SETBP1: variants seen among roughly 807,000 people sequenced by gnomAD.
SETBP1 encodes the protein SET binding protein 1, also known as SET-binding protein.
A neutral mutation model predicts 101.0 loss-of-function variants in SETBP1; 9 were observed. The ratio of observed to expected loss-of-function variants is 0.09; its 90% CI spans 0.05 to 0.16. The LOEUF (loss-of-function observed/expected upper bound fraction) is 0.16, where lower values mean the gene tolerates loss of function less well. SETBP1 is among the 10% of genes least tolerant of loss of function. The probability of loss-of-function intolerance (pLI) is 1.00; values close to 1 mark genes in which losing one functional copy is unlikely to be tolerated. For missense variants in SETBP1, 1,858 were observed against 2,033.8 expected, an observed-to-expected ratio of 0.91 and a Z score of 1.66; for synonymous variants, 818 against 788.5, an observed-to-expected ratio of 1.04 and a Z score of -0.63.
intron 1 of SETBP1, among the ~76,000 whole-genome samples, chr18:44,695,003 A>G (rs962319170): frequency 6.6e-6 from 1 of 152,192 alleles, no homozygotes; most frequent in African/African-American, 2.4e-5. Context: ...GAAAGATTGC[A>G]GGGATACAAA....
chr18:44,952,149 A>G lies in SETBP1; in HGVS notation c.2809A>G (p.Lys937Glu). ...FLAHESLKKP[K>E]HKRKRKSLQN... is the part of the protein sequence containing the mutation. Reference sequence around the variant, plus strand: ...GGCCCACGAAAGCCTCAAGAAGCCAAAGCACAAGAGGAAACGGAAAAGCCT... The same window carrying G: ...GGCCCACGAAAGCCTCAAGAAGCCAGAGCACAAGAGGAAACGGAAAAGCCT... The change falls in exon 4 of 6, where the codon AAG becomes GAG. Residue 937 changes from lysine to glutamate, a missense_variant. By Grantham distance (56) the Lys-to-Glu change is moderately conservative. Around this residue, in one of 12 missense-constraint regions of SETBP1, gnomAD observed 255 missense variants for 300.1 expected, o/e 0.85. Coordinates refer to ENST00000649279, the MANE Select transcript of SETBP1 (RefSeq NM_015559.3). 6.2e-7 allele frequency: 1 copy of G among 1,614,130 alleles called. No individual in the cohort carries two copies. The highest frequency in any genetic ancestry group is 1.1e-5 in the South Asian group (1 of 91,074).
intron 3 of SETBP1, among the ~76,000 whole-genome samples, chr18:44,930,916 A>G (rs1312791746): frequency 2.4e-4 from 36 of 148,822 alleles, no homozygotes; most frequent in Non-Finnish European, 5.1e-4. Context: ...TTTTTTGAAG[A>G]GTTTTTTGTG....
intron 1 of SETBP1, among the ~76,000 whole-genome samples, chr18:44,690,988 A>C (rs1389497890): frequency 6.6e-6 from 1 of 152,212 alleles, no homozygotes; most frequent in Non-Finnish European, 1.5e-5. Flanking sequence ...GGAGAATTAG[A>C]AAAGGCAGAT....
At chr18:44,766,278 G>T (rs2070762262) in intron 2 of SETBP1, among the ~76,000 whole-genome samples, 1 of 152,226 alleles carries the variant, frequency 6.6e-6, no homozygotes, top group Non-Finnish European at 1.5e-5. Context: ...AGTTCTGGTT[G>T]TGTGACCTTA....
chr18:44,742,129 C>T (rs544334230), intron 2 of SETBP1, among the ~76,000 whole-genome samples: 4 of 152,292 alleles, frequency 2.6e-5, no homozygotes, highest in South Asian at 2.1e-4. Flanking sequence ...ATGACAATGA[C>T]CATTTACATT....
At chr18:45,007,733 A>T (rs2072759122) in intron 4 of SETBP1, among the ~76,000 whole-genome samples, 1 of 152,190 alleles carries the variant, frequency 6.6e-6, no homozygotes. Context: ...TTCAGAATTG[A>T]GTCAGCTGGC....
intron 4 of SETBP1, among the ~76,000 whole-genome samples, chr18:45,023,862 A>G (rs1439503748): frequency 6.6e-6 from 1 of 152,190 alleles, no homozygotes; most frequent in Non-Finnish European, 1.5e-5. Context: ...CCTCTGAGGT[A>G]GGAGGTTTGT....
intron 2 of SETBP1, among the ~76,000 whole-genome samples, chr18:44,829,634 T>A (rs922378865): frequency 2.6e-4 from 39 of 152,234 alleles, no homozygotes; most frequent in Admixed American, 9.8e-4. Flanking sequence ...TCATAAAAAA[T>A]GTGGGAAAGG....
chr18:45,022,609 C>A (rs184118045), intron 4 of SETBP1, among the ~76,000 whole-genome samples: 1 of 152,172 alleles, frequency 6.6e-6, no homozygotes, highest in Non-Finnish European at 1.5e-5. Context: ...GTGGGCAGAT[C>A]ACGTGAGGTC....
At position 44,930,198 on chromosome 18, in the gene SETBP1, T is replaced by C. The variant is rs997066158; in HGVS notation, c.541-19683T>C. On this transcript the variant is annotated intron_variant, in intron 3 of 5. Coordinates refer to ENST00000649279, the MANE Select transcript of SETBP1 (RefSeq NM_015559.3). ...TTCTGCATCTATTGAGATATTCATGTGGTTTTTGTCTTTGATTCTGTTTAT... is the reference window on the plus strand; with the variant it reads ...TTCTGCATCTATTGAGATATTCATGCGGTTTTTGTCTTTGATTCTGTTTAT... Among the ~76,000 whole-genome samples the C allele has an allele frequency of 9.2e-5, 14 of 152,234 alleles. 1 individual carries two copies. Among genetic ancestry groups the C allele is most frequent in the Admixed American group, 5.2e-4 (8 of 15,288 alleles).
chr18:44,747,987 C>T (rs2070297262), intron 2 of SETBP1, among the ~76,000 whole-genome samples: 1 of 152,170 alleles, frequency 6.6e-6, no homozygotes, highest in South Asian at 2.1e-4. Flanking sequence ...AAAGATGCTG[C>T]ATGGATCTAT....
intron 2 of SETBP1, among the ~76,000 whole-genome samples, chr18:44,775,882 T>G (rs2070991704): frequency 6.6e-6 from 1 of 152,230 alleles, no homozygotes; most frequent in South Asian, 2.1e-4. Flanking sequence ...AGCAGATCCC[T>G]GCTCAAGCCA....
chr18:44,831,385 G>C (rs1176255841), intron 2 of SETBP1, among the ~76,000 whole-genome samples: 1 of 152,142 alleles, frequency 6.6e-6, no homozygotes, highest in East Asian at 1.9e-4. Flanking sequence ...TCTTCCATGA[G>C]GTTTATTCCT....
intron 4 of SETBP1, among the ~76,000 whole-genome samples, chr18:45,014,181 C>T (rs1008383767): frequency 1.3e-5 from 2 of 152,190 alleles, no homozygotes; most frequent in Non-Finnish European, 2.9e-5. Context: ...AGTAAAACAG[C>T]CTGTGCCCAT....
chr18:44,761,238 AC>A (rs1354340640), intron 2 of SETBP1, among the ~76,000 whole-genome samples: 1 of 152,224 alleles, frequency 6.6e-6, no homozygotes, highest in Non-Finnish European at 1.5e-5. Flanking sequence ...ATTACCATAT[AC>A]ATTACATTAA....
At chr18:44,721,550 G>A (rs928498099) in intron 2 of SETBP1, among the ~76,000 whole-genome samples, 21 of 147,220 alleles carry the variant, frequency 1.4e-4, no homozygotes, top group South Asian at 6.4e-4. Flanking sequence ...AGCTCAGCAC[G>A]GGACTCCATA....
At chr18:44,841,363 C>T (rs926563266) in intron 2 of SETBP1, among the ~76,000 whole-genome samples, 6 of 152,156 alleles carry the variant, frequency 3.9e-5, no homozygotes, top group African/African-American at 1.4e-4. Context: ...GCGAGTTATC[C>T]ATGGAGAAAG....
chr18:44,896,930 C>T (rs1434462624), intron 3 of SETBP1, among the ~76,000 whole-genome samples: 2 of 152,060 alleles, frequency 1.3e-5, no homozygotes, highest in East Asian at 3.9e-4. Flanking sequence ...ATCAATCCAC[C>T]CAACTGTACC....
At chr18:44,971,298 C>A (rs1444770396) in intron 4 of SETBP1, among the ~76,000 whole-genome samples, 1 of 152,128 alleles carries the variant, frequency 6.6e-6, no homozygotes, top group African/African-American at 2.4e-5. Context: ...GGGTTGGTTC[C>A]AAGTCTTTGC....
Sources: allele counts gnomAD v4.1 joint callset (sites outside exome capture counted in the v4.1 genomes callset), GRCh38; gene constraint gnomAD v4.1.1; regional missense constraint gnomAD v4.1.1; transcripts MANE v1.5; gene names NCBI Gene and HGNC (gene_info 2026-07-23, HGNC 2026-07-21).